The following ARL8B variants were observed in gnomAD, a reference collection of about 807,000 sequenced individuals.
ARL8B encodes ADP-ribosylation factor-like protein 8B.
Under a neutral mutation model 30.6 loss-of-function variants are expected in ARL8B, and 9 were observed. That is an observed-to-expected ratio of 0.29 (90% CI 0.18 to 0.51). The LOEUF is 0.51. Among genes scored for constraint, ARL8B ranks in the 20% least tolerant of loss-of-function variants. The pLI is 0.97. For synonymous variants in ARL8B, 74 were observed against 76.0 expected, an observed-to-expected ratio of 0.97 and a Z score of 0.14; for missense variants, 130 against 227.2, an observed-to-expected ratio of 0.57 and a Z score of 2.75.
chr3:5,124,917 T>C (rs927005519), intron 1 of ARL8B, among the ~76,000 whole-genome samples: 2 of 152,254 alleles, frequency 1.3e-5, no homozygotes, highest in Admixed American at 6.5e-5. Context: ...TTCATGTGGA[T>C]AGGTGTATTA....
intron 1 of ARL8B, among the ~76,000 whole-genome samples, chr3:5,135,932 A>G (rs958344029): frequency 1.1e-4 from 16 of 151,248 alleles, no homozygotes; most frequent in Non-Finnish European, 1.3e-4. Flanking sequence ...GATTACAGGC[A>G]CATGCTGCCC....
chr3:5,132,492 G>C (rs1310796841), intron 1 of ARL8B, among the ~76,000 whole-genome samples: 1 of 152,128 alleles, frequency 6.6e-6, no homozygotes, highest in South Asian at 2.1e-4. Context: ...ACCTGCTTCG[G>C]CCTCCCAAAG....
chr3:5,126,226 G>C (rs2054228931), intron 1 of ARL8B, among the ~76,000 whole-genome samples: 1 of 151,976 alleles, frequency 6.6e-6, no homozygotes, highest in South Asian at 2.1e-4. Flanking sequence ...TGATTTTAGA[G>C]ATTTTTAGGT....
At chr3:5,163,907 C>A (rs1575571913) in intron 1 of ARL8B, among the ~76,000 whole-genome samples, 1 of 152,152 alleles carries the variant, frequency 6.6e-6, no homozygotes, top group East Asian at 1.9e-4. Context: ...AAGGGAATAT[C>A]ATATTTGAAT....
chr3:5,143,563 C>CT (rs1243201395), intron 1 of ARL8B, among the ~76,000 whole-genome samples: 1 of 152,228 alleles, frequency 6.6e-6, no homozygotes, highest in African/African-American at 2.4e-5. Context: ...TCCGAGGTCT[C>CT]TTTTACCAGT....
chr3:5,174,750 ATATATATAAATATATAT>A (rs2054713078), intron 6 of ARL8B, among the ~76,000 whole-genome samples: 1 of 144,778 alleles, frequency 6.9e-6, no homozygotes. Context: ...GTAATATATA[ATATATATAAATATATAT>A]TATATATAAC....
chr3:5,171,600 G>A (rs972443312), intron 2 of ARL8B, among the ~76,000 whole-genome samples: 5 of 152,068 alleles, frequency 3.3e-5, no homozygotes, highest in African/African-American at 1.2e-4. Context: ...CACCCGCCTC[G>A]GCCTCCCAAA....
intron 1 of ARL8B, among the ~76,000 whole-genome samples, chr3:5,150,660 G>A (rs2054474908): frequency 6.6e-6 from 1 of 152,042 alleles, no homozygotes; most frequent in Non-Finnish European, 1.5e-5. Flanking sequence ...GCACATGCCT[G>A]TAATCCCAGC....
intron 1 of ARL8B, among the ~76,000 whole-genome samples, chr3:5,161,949 G>T (rs1303230101): frequency 6.6e-6 from 1 of 152,164 alleles, no homozygotes; most frequent in African/African-American, 2.4e-5. Context: ...ATTACTGACT[G>T]ATGGCTAAGT....
intron 1 of ARL8B, among the ~76,000 whole-genome samples, chr3:5,137,564 A>G (rs2054338830): frequency 6.7e-6 from 1 of 149,900 alleles, no homozygotes; most frequent in African/African-American, 2.5e-5. Flanking sequence ...TCAGCCTCCC[A>G]AGTAGCTGGG....
intron 1 of ARL8B, among the ~76,000 whole-genome samples, chr3:5,143,491 G>C (rs1420571280): frequency 1.3e-5 from 2 of 152,182 alleles, no homozygotes; most frequent in South Asian, 4.1e-4. Context: ...AACCACCTGT[G>C]CCTGAGGTCC....
intron 1 of ARL8B, among the ~76,000 whole-genome samples, chr3:5,129,217 C>T (rs1292431905): frequency 6.6e-6 from 1 of 151,910 alleles, no homozygotes; most frequent in Admixed American, 6.6e-5. Context: ...TCTTGTTGCC[C>T]AGGCTGGAGT....
intron 1 of ARL8B, among the ~76,000 whole-genome samples, chr3:5,130,234 G>T (rs759025251): frequency 6.7e-6 from 1 of 148,468 alleles, no homozygotes; most frequent in Non-Finnish European, 1.5e-5. Context: ...GTGTTGCTCA[G>T]CCTGGTCCCG....
intron 6 of ARL8B, among the ~76,000 whole-genome samples, chr3:5,178,159 TG>T (rs1327527831): frequency 6.6e-6 from 1 of 152,162 alleles, no homozygotes; most frequent in Non-Finnish European, 1.5e-5. Flanking sequence ...CTCCCATCCC[TG>T]TGCTTTAGTC....
chr3:5,174,753 TA>T (rs1224476634), intron 6 of ARL8B, among the ~76,000 whole-genome samples: 1 of 145,524 alleles, frequency 6.9e-6, no homozygotes, highest in Non-Finnish European at 1.5e-5. Flanking sequence ...ATATATAATA[TA>T]TATAAATATA....
intron 1 of ARL8B, among the ~76,000 whole-genome samples, chr3:5,123,060 T>G (rs1210900184): frequency 6.6e-6 from 1 of 152,234 alleles, no homozygotes; most frequent in Non-Finnish European, 1.5e-5. Context: ...AATAGACCCA[T>G]TGTGAAAGCG....
intron 1 of ARL8B, among the ~76,000 whole-genome samples, chr3:5,145,431 T>C (rs1390877485): frequency 6.6e-6 from 1 of 152,182 alleles, no homozygotes; most frequent in Non-Finnish European, 1.5e-5. Flanking sequence ...GACTCTCCTC[T>C]ACCAGCAGGG....
intron 1 of ARL8B, among the ~76,000 whole-genome samples, chr3:5,145,109 A>G (rs917715959): frequency 9.2e-5 from 14 of 152,048 alleles, no homozygotes; most frequent in African/African-American, 2.9e-4. Context: ...TCCACTTGGG[A>G]CAACCCATCC....
intron 1 of ARL8B, among the ~76,000 whole-genome samples, chr3:5,144,968 T>G (rs2054405889): frequency 6.6e-6 from 1 of 152,194 alleles, no homozygotes; most frequent in South Asian, 2.1e-4. Context: ...TTCAAGGAGC[T>G]TTAGCGCCTG....
Sources: allele counts gnomAD v4.1 joint callset (sites outside exome capture counted in the v4.1 genomes callset), GRCh38; gene constraint gnomAD v4.1.1; transcripts MANE v1.5; gene names NCBI Gene and HGNC (gene_info 2026-07-23, HGNC 2026-07-21).